The following ACOT11 variants were observed in gnomAD, a reference collection of about 807,000 sequenced individuals.
ACOT11 encodes acyl-CoA thioesterase 11.
ACOT11 carries 69 observed loss-of-function variants against 77.5 expected under a neutral mutation model. The observed-to-expected ratio is 0.89, with a 90% confidence interval of 0.73 to 1.09. The LOEUF is 1.09. Ranked by LOEUF, ACOT11 falls within the 50% of genes least tolerant of loss-of-function variation. The pLI is 0.00. For synonymous variants in ACOT11, 279 were observed against 313.0 expected (o/e 0.89, Z 1.15); for missense variants, 766 against 813.7 (o/e 0.94, Z 0.71).
chr1:54,614,956 ATGTGCG>A (rs1557671418), downstream of ACOT11: 220 of 1,239,586 alleles, frequency 1.8e-4, no homozygotes, highest in South Asian at 6.2e-4. Flanking sequence ...GTGTGTGTGC[ATGTGCG>A]TGCACAGTGG....
Position 54,576,481 on chromosome 1 carries a change from G to C in ACOT11, c.34-8174G>C, listed in dbSNP as rs969401370. The stretch of plus-strand genomic sequence containing the variant: ...CCACTGCACTCCAGCCTAGGTGACA[G>C]AGCAAGATCTAAAAAAAAAAAAAAA... On this transcript the variant is annotated intron_variant, in intron 1 of 15. Transcript: ENST00000343744. Among the ~76,000 whole-genome samples, 36 of 118,362 alleles carry C rather than the reference G, an allele frequency of 3.0e-4. No individual in the cohort carries two copies. The Admixed American group carries it at 3.7e-3, about 12-fold the overall frequency. 77.7% of individuals were successfully genotyped at this position (118,362 alleles called of 152,430 possible).
intron 1 of ACOT11, among the ~76,000 whole-genome samples, chr1:54,550,360 C>T (rs1167466856): frequency 6.6e-6 from 1 of 152,198 alleles, no homozygotes; most frequent in African/African-American, 2.4e-5. Context: ...GCTAAGAACA[C>T]TCTGGCCTTG....
rs755161615 is a variant in ACOT11, at chr1:54,548,337, C to T, written c.28C>T (p.Arg10Ter). 74 of 1,602,012 alleles carry T rather than the reference C, an allele frequency of 4.6e-5. No individual in the cohort carries two copies. The highest frequency in any genetic ancestry group is 5.7e-5 in the South Asian group (5 of 88,252). ...GATCCAGAATGTCGGAAATCACCTG[C>T]GACGGGTATGGAGGGTGGGCTGGGG... MIQNVGNHL[R>*]RGLASVFSNR... The change falls in exon 1 of 16, where the codon CGA becomes TGA. Residue 10 changes from arginine (R) to a stop codon, truncating the protein, a stop_gained. Coordinates refer to ENST00000343744, the MANE Select transcript of ACOT11 (RefSeq NM_147161.4). LOFTEE classifies it high-confidence loss of function.
At chr1:54,597,801 G>T in intron 7 of ACOT11, 1 of 204,286 alleles carries the variant, frequency 4.9e-6, no homozygotes, top group Non-Finnish European at 1.0e-5. Flanking sequence ...TCCTGATGTA[G>T]CCTCCTGCCG....
intron 15 of ACOT11, among the ~76,000 whole-genome samples, chr1:54,608,534 C>CCAG (rs1442628358): frequency 6.6e-6 from 1 of 152,104 alleles, no homozygotes; most frequent in Admixed American, 6.5e-5. Context: ...TGAGACTCAC[C>CCAG]CAGCAGAGAC....
At chr1:54,552,315 C>T (rs1653099641) in intron 1 of ACOT11, among the ~76,000 whole-genome samples, 1 of 152,066 alleles carries the variant, frequency 6.6e-6, no homozygotes, top group Non-Finnish European at 1.5e-5. Context: ...TACGAGGAGT[C>T]CCAAAACTGC....
At chr1:54,562,625 G>T (rs1439951478) in intron 1 of ACOT11, among the ~76,000 whole-genome samples, 1 of 145,554 alleles carries the variant, frequency 6.9e-6, no homozygotes, top group Non-Finnish European at 1.5e-5. Flanking sequence ...CAGCTGCCGG[G>T]CGGAGGGGCT....
intron 15 of ACOT11, among the ~76,000 whole-genome samples, chr1:54,620,776 G>A (rs71637858): frequency 1.4e-5 from 2 of 145,948 alleles, no homozygotes; most frequent in Non-Finnish European, 3.0e-5. Flanking sequence ...CTGAACCCGA[G>A]AGGTGGAGGT....
At chr1:54,616,239 A>G in intron 15 of ACOT11, 1 of 1,365,120 alleles carries the variant, frequency 7.3e-7, no homozygotes, top group South Asian at 1.3e-5. Flanking sequence ...TCTCATCATA[A>G]AAGCATTACA....
chr1:54,550,817 T>C (rs142516521), intron 1 of ACOT11, among the ~76,000 whole-genome samples: 2,267 of 151,908 alleles, frequency 0.015, 24 homozygotes, highest in Non-Finnish European at 0.024. Flanking sequence ...AGTGAGATCC[T>C]GTCTCAAAAC....
At chr1:54,615,931 G>A in intron 15 of ACOT11, 3 of 1,377,780 alleles carry the variant, frequency 2.2e-6, no homozygotes, top group Non-Finnish European at 2.0e-6. Flanking sequence ...TGTCAGGGCT[G>A]GACTTGCTTC....
intron 1 of ACOT11, among the ~76,000 whole-genome samples, chr1:54,575,915 C>G (rs992010450): frequency 2.6e-5 from 4 of 152,142 alleles, no homozygotes; most frequent in African/African-American, 9.7e-5. Context: ...CGCCATGGTG[C>G]TATATAGGAC....
intron 1 of ACOT11, among the ~76,000 whole-genome samples, chr1:54,569,729 A>G (rs1331528827): frequency 6.6e-6 from 1 of 152,370 alleles, no homozygotes. Flanking sequence ...CCCATAAACA[A>G]CTATTAAGCT....
chr1:54,612,742 G>C, downstream of ACOT11: 1 of 1,557,386 alleles, frequency 6.4e-7, no homozygotes, highest in Non-Finnish European at 8.8e-7. Context: ...TGGTCTCACG[G>C]AGCTGCAGCG....
intron 15 of ACOT11, among the ~76,000 whole-genome samples, chr1:54,627,963 C>G (rs930468662): frequency 1.5e-5 from 2 of 132,546 alleles, no homozygotes; most frequent in African/African-American, 5.1e-5. Flanking sequence ...GACTGGGGAG[C>G]CCCGGAGGCC....
Position 54,597,266 on chromosome 1 carries a change from G to A in ACOT11, c.615G>A (p.Glu205=). The change falls in exon 7 of 16, where the codon GAG becomes GAA. Residue 205 remains glutamate (E), a synonymous_variant. Coordinates refer to ENST00000343744, the MANE Select transcript of ACOT11 (RefSeq NM_147161.4). ...LANCAIQGDL[E]SRDCSRMVPA... ...TATCCCATCCCTGGTCAGATCTGGA[G>A]AGCAGAGACTGTAGCCGCATGGTGC... The A allele has an allele frequency of 1.9e-6, 3 of 1,612,228 alleles. No homozygotes were observed. The highest frequency in any genetic ancestry group is 2.5e-6 in the Non-Finnish European group (3 of 1,180,012).
intron 1 of ACOT11, among the ~76,000 whole-genome samples, chr1:54,574,384 T>C (rs1654030277): frequency 6.6e-6 from 1 of 152,152 alleles, no homozygotes; most frequent in Non-Finnish European, 1.5e-5. Context: ...TCAGCGGCTG[T>C]CTCCCTATCT....
intron 13 of ACOT11, among the ~76,000 whole-genome samples, chr1:54,606,297 C>T (rs1350145296): frequency 6.6e-6 from 1 of 152,066 alleles, no homozygotes; most frequent in African/African-American, 2.4e-5. Context: ...AAGGCCAGAC[C>T]AAATCTTGAT....
intron 1 of ACOT11, among the ~76,000 whole-genome samples, chr1:54,568,116 G>A (rs1192943701): frequency 6.6e-6 from 1 of 152,068 alleles, no homozygotes; most frequent in Non-Finnish European, 1.5e-5. Flanking sequence ...TGCACTGTCT[G>A]TTCTCTTGTC....
Sources: allele counts gnomAD v4.1 joint callset (sites outside exome capture counted in the v4.1 genomes callset), GRCh38; gene constraint gnomAD v4.1.1; transcripts MANE v1.5; gene names NCBI Gene and HGNC (gene_info 2026-07-23, HGNC 2026-07-21).